RAD51B: variants seen among roughly 807,000 people sequenced by gnomAD.
RAD51B encodes the protein DNA repair protein RAD51 homolog 2.
Under a neutral mutation model 42.2 loss-of-function variants are expected in RAD51B, and 38 were observed. The ratio of observed to expected loss-of-function variants is 0.90; its 90% CI spans 0.70 to 1.18. RAD51B has a LOEUF of 1.18. Among genes scored for constraint, RAD51B ranks in the 50% most tolerant of loss-of-function variants. The probability of loss-of-function intolerance (pLI) is 0.00; values close to 1 mark genes in which losing one functional copy is unlikely to be tolerated. For missense variants in RAD51B, 373 were observed against 400.7 expected, an observed-to-expected ratio of 0.93 and a Z score of 0.59; for synonymous variants, 154 against 145.2, an observed-to-expected ratio of 1.06 and a Z score of -0.43.
chr14:68,645,234 T>C (rs1892540620), intron 10 of RAD51B, among the ~76,000 whole-genome samples: 1 of 152,146 alleles, frequency 6.6e-6, no homozygotes, highest in Non-Finnish European at 1.5e-5. Flanking sequence ...ATCTCGTGAG[T>C]GGAATCATAT....
intron 7 of RAD51B, among the ~76,000 whole-genome samples, chr14:67,937,526 T>C (rs752518486): frequency 2.0e-5 from 3 of 152,216 alleles, no homozygotes; most frequent in Non-Finnish European, 4.4e-5. Flanking sequence ...TTTCTTTTAC[T>C]CTAGGTATAG....
intron 7 of RAD51B, among the ~76,000 whole-genome samples, chr14:68,076,527 G>T (rs749469889): frequency 6.6e-6 from 1 of 152,142 alleles, no homozygotes; most frequent in Non-Finnish European, 1.5e-5. Flanking sequence ...AGGACCAGTG[G>T]ATCAAAGTTA....
chr14:68,330,899 A>G (rs941061726), intron 8 of RAD51B, among the ~76,000 whole-genome samples: 1 of 152,220 alleles, frequency 6.6e-6, no homozygotes, highest in African/African-American at 2.4e-5. Flanking sequence ...ATATGGAATC[A>G]GGAGCATTTA....
At chr14:68,297,805 A>C (rs545449119) in intron 8 of RAD51B, among the ~76,000 whole-genome samples, 1 of 152,242 alleles carries the variant, frequency 6.6e-6, no homozygotes, top group Non-Finnish European at 1.5e-5. Flanking sequence ...GAAGGAGAGA[A>C]GAGAATTGCT....
chr14:68,302,280 C>A (rs2081757381), intron 8 of RAD51B, among the ~76,000 whole-genome samples: 1 of 152,164 alleles, frequency 6.6e-6, no homozygotes. Context: ...AGGGCTGTGG[C>A]TATGACGGAC....
intron 7 of RAD51B, among the ~76,000 whole-genome samples, chr14:68,261,843 A>G (rs1450484575): frequency 6.6e-6 from 1 of 152,174 alleles, no homozygotes; most frequent in African/African-American, 2.4e-5. Context: ...TTGTGAGAAG[A>G]AAAGAGGTGA....
Position 68,385,040 on chromosome 14 carries a change from G to A in RAD51B, c.854-26384G>A, listed in dbSNP as rs566181503. Among the ~76,000 whole-genome samples the A allele has an allele frequency of 2.0e-4, 30 of 152,234 alleles. No homozygotes were observed. In the South Asian group the frequency reaches 5.0e-3, roughly 25 times the overall value. On this transcript the variant is annotated intron_variant, in intron 8 of 10. Transcript: ENST00000471583. Reference sequence around the variant, plus strand: ...AAGTGCATTGCAAACAGAGATGGGCGAGTTAAGTTACTCAATTGCCATCTG... The same window carrying A: ...AAGTGCATTGCAAACAGAGATGGGCAAGTTAAGTTACTCAATTGCCATCTG...
chr14:68,488,325 TTA>T (rs1018332978), intron 10 of RAD51B, among the ~76,000 whole-genome samples: 6 of 150,924 alleles, frequency 4.0e-5, no homozygotes, highest in Non-Finnish European at 5.9e-5. Flanking sequence ...GACTGACAGA[TTA>T]GAGAGAGCCT....
At chr14:67,966,163 C>T (rs191540209) in intron 7 of RAD51B, among the ~76,000 whole-genome samples, 13 of 151,978 alleles carry the variant, frequency 8.6e-5, no homozygotes, top group South Asian at 2.1e-4. Flanking sequence ...ACCTACTACT[C>T]CTACCTTATC....
At chr14:68,211,055 C>A (rs1448883139) in intron 7 of RAD51B, among the ~76,000 whole-genome samples, 2 of 152,214 alleles carry the variant, frequency 1.3e-5, no homozygotes, top group Non-Finnish European at 2.9e-5. Context: ...TGTTCCCACA[C>A]TCAAACATGT....
intron 7 of RAD51B, among the ~76,000 whole-genome samples, chr14:68,013,016 G>T (rs1311889790): frequency 6.6e-6 from 1 of 152,172 alleles, no homozygotes; most frequent in Non-Finnish European, 1.5e-5. Context: ...CAGTTATTAT[G>T]CTCACAGATT....
chr14:68,603,145 T>A (rs1232578525), intron 10 of RAD51B, among the ~76,000 whole-genome samples: 1 of 152,208 alleles, frequency 6.6e-6, no homozygotes, highest in Non-Finnish European at 1.5e-5. Flanking sequence ...CAGACATCTC[T>A]AATCCCCCAT....
chr14:67,886,969 T>C (rs1223255190), intron 6 of RAD51B, 52 bp from the exon 7 acceptor site: 17 of 1,188,116 alleles, frequency 1.4e-5, no homozygotes, highest in Non-Finnish European at 3.5e-6. Context: ...TACCTTTATT[T>C]ATTTATTTTA....
At chr14:68,428,261 T>G (rs563256491) in intron 9 of RAD51B, among the ~76,000 whole-genome samples, 4 of 152,354 alleles carry the variant, frequency 2.6e-5, no homozygotes, top group Admixed American at 2.0e-4. Flanking sequence ...TTCTAGAGAC[T>G]GTAATTGTAA....
downstream of RAD51B, among the ~76,000 whole-genome samples, chr14:68,612,318 T>G (rs943733167): frequency 2.0e-5 from 3 of 152,204 alleles, no homozygotes; most frequent in Non-Finnish European, 4.4e-5. Flanking sequence ...ACACTCAACT[T>G]GTAGAAGAGC....
At chr14:68,278,514 T>C (rs2081265156) in intron 7 of RAD51B, among the ~76,000 whole-genome samples, 1 of 152,238 alleles carries the variant, frequency 6.6e-6, no homozygotes, top group Admixed American at 6.5e-5. Context: ...GTTTTCTTTG[T>C]CTAGACTATG....
intron 8 of RAD51B, among the ~76,000 whole-genome samples, chr14:68,384,759 A>G (rs907886323): frequency 7.9e-5 from 12 of 152,208 alleles, no homozygotes; most frequent in African/African-American, 2.7e-4. Flanking sequence ...AGCAATCGTT[A>G]TATGGAATTA....
At chr14:67,945,777 A>C (rs1194946870) in intron 7 of RAD51B, among the ~76,000 whole-genome samples, 2 of 152,154 alleles carry the variant, frequency 1.3e-5, no homozygotes, top group Non-Finnish European at 1.5e-5. Context: ...AGCCCAGACC[A>C]AGAGTTTTAA....
chr14:68,599,598 C>A (rs1390581674), downstream of RAD51B, among the ~76,000 whole-genome samples: 1 of 152,178 alleles, frequency 6.6e-6, no homozygotes, highest in African/African-American at 2.4e-5. Context: ...CAGATCCGCC[C>A]CATCTACATT....
Sources: allele counts gnomAD v4.1 joint callset (sites outside exome capture counted in the v4.1 genomes callset), GRCh38; gene constraint gnomAD v4.1.1; transcripts MANE v1.5; gene names NCBI Gene and HGNC (gene_info 2026-07-23, HGNC 2026-07-21).